DIPK1B: variants seen among roughly 807,000 people sequenced by gnomAD.
DIPK1B encodes the protein family with sequence similarity 69 member B.
Under a neutral mutation model 20.7 loss-of-function variants are expected in DIPK1B, and 17 were observed. That is an observed-to-expected ratio of 0.82 (90% CI 0.56 to 1.23). DIPK1B has a LOEUF of 1.23. DIPK1B is among the 50% of genes most tolerant of loss of function. DIPK1B has a pLI of 0.00. For missense variants in DIPK1B, 648 were observed against 601.8 expected, an observed-to-expected ratio of 1.08 and a Z score of -0.80; for synonymous variants, 343 against 276.5, an observed-to-expected ratio of 1.24 and a Z score of -2.39.
chr9:136,713,651 G>A (rs1396373166), intron 1 of DIPK1B, among the ~76,000 whole-genome samples: 3 of 152,230 alleles, frequency 2.0e-5, no homozygotes, highest in African/African-American at 7.2e-5. Flanking sequence ...TCGCTGGGAG[G>A]TGGGGTGCAC....
In DIPK1B at chr9:136,724,323, G is replaced by T. The variant is rs1171255741; in HGVS notation, c.*549G>T. 2.0e-5 allele frequency among the ~76,000 whole-genome samples: 3 copies of T among 152,190 alleles called. No individual in the cohort carries two copies. The highest frequency in any genetic ancestry group is 7.2e-5 in the African/African-American group (3 of 41,446). On this transcript the variant is annotated 3_prime_UTR_variant, in exon 5 of 5. Coordinates refer to ENST00000371692, the MANE Select transcript of DIPK1B (RefSeq NM_152421.4). ...ACCTGGGCTGTGCACAACAGACCAA[G>T]AAAAAGGTGTTCCAGTAAGAAAACA... is the stretch of plus-strand genomic sequence containing the variant.
Position 136,723,722 on chromosome 9 carries a change from G to A in DIPK1B, c.1244G>A (p.Ser415Asn), listed in dbSNP as rs1241778152. 1 of 1,536,284 alleles carries A rather than the reference G, an allele frequency of 6.5e-7. No homozygotes were observed. Among genetic ancestry groups the A allele is most frequent in the Non-Finnish European group, 8.7e-7 (1 of 1,146,956 alleles). Residue 415 changes from serine to asparagine, a missense_variant, in exon 5 of 5, where the codon AGC becomes AAC. By Grantham distance (46) the Ser-to-Asn change is conservative. Coordinates refer to ENST00000371692, the MANE Select transcript of DIPK1B (RefSeq NM_152421.4). Reference sequence around the variant, plus strand: ...GAGGCCCATCACTCGCTGGTGCTCAGCCACCTCAAGACTCTGCTCTGGAAG... The same window carrying A: ...GAGGCCCATCACTCGCTGGTGCTCAACCACCTCAAGACTCTGCTCTGGAAG... ...QVEAHHSLVL[S>N]HLKTLLWKKI...
chr9:136,714,482 G>C (rs543727436), intron 1 of DIPK1B, among the ~76,000 whole-genome samples: 1 of 152,170 alleles, frequency 6.6e-6, no homozygotes, highest in Non-Finnish European at 1.5e-5. Context: ...CCCTAGGCCC[G>C]AGGCCAGCTG....
rs1225963799 is a variant in DIPK1B, at chr9:136,723,348, C to T, written c.870C>T (p.Tyr290=). 12 of 1,613,236 alleles carry T rather than the reference C, an allele frequency of 7.4e-6. No homozygotes were observed. Among genetic ancestry groups the T allele is most frequent in the East Asian group, 6.7e-5 (3 of 44,884 alleles). ...TGGAGGAGCTCTTCCACGGCTCTTA[C>T]GGGACTTTCTACATGTGTGAGACCA... ...EFVEELFHGS[Y]GTFYMCETTL... is the part of the protein sequence containing the mutation. The change falls in exon 5 of 5, where the codon TAC becomes TAT. Residue 290 remains tyrosine, a synonymous_variant. Transcript: ENST00000371692.
intron 2 of DIPK1B, chr9:136,720,792 G>C (rs2131045943): frequency 6.6e-6 from 1 of 152,422 alleles, no homozygotes; most frequent in East Asian, 1.9e-4. Flanking sequence ...GTAGAGGCTG[G>C]GGCTCCGTTG....
chr9:136,724,039 G>A lies in DIPK1B; in HGVS notation c.*265G>A, dbSNP rs1395677743. 4 of 482,458 alleles carry A rather than the reference G, an allele frequency of 8.3e-6. No homozygotes were observed. Among genetic ancestry groups the A allele is most frequent in the Non-Finnish European group, 1.5e-5 (4 of 264,720 alleles). The allele number at this position is 482,458 out of a possible 1,614,324, so 29.9% of individuals were successfully genotyped here. ...TGTCAATAAACAGCTTTTATGTAATGCCCAGGGCTGAGCACCCTGAGCCCC... is the reference window on the plus strand; with the variant it reads ...TGTCAATAAACAGCTTTTATGTAATACCCAGGGCTGAGCACCCTGAGCCCC... On this transcript the variant is annotated 3_prime_UTR_variant, in exon 5 of 5. Transcript: ENST00000371692.
chr9:136,714,684 C>T (rs928085784), intron 1 of DIPK1B, among the ~76,000 whole-genome samples: 1 of 152,250 alleles, frequency 6.6e-6, no homozygotes, highest in Non-Finnish European at 1.5e-5. Context: ...AGATTCAGTG[C>T]CCAGGACAAG....
In DIPK1B at chr9:136,723,177, C is replaced by T. The variant is rs199901286; in HGVS notation, c.699C>T (p.Gly233=). The T allele has an allele frequency of 5.3e-5, 85 of 1,612,980 alleles. No homozygotes were observed. Among genetic ancestry groups the T allele is most frequent in the Admixed American group, 5.0e-4 (30 of 60,022 alleles). The change falls in exon 5 of 5, where the codon GGC becomes GGT. Residue 233 remains glycine, a synonymous_variant. Coordinates refer to ENST00000371692, the MANE Select transcript of DIPK1B (RefSeq NM_152421.4). ...GTGGGGACCTCTACCTCACCGAGGG[C>T]GTGCCGCATGGCGCCTGGCACGCGG... is the stretch of plus-strand genomic sequence containing the variant. ...GYCGDLYLTE[G]VPHGAWHAAA...
Position 136,718,179 on chromosome 9 carries a change from ACCACCGTGTGCTGGCC to A in DIPK1B, c.198+469_198+484del, listed in dbSNP as rs1588282335. ...CTGGCCTCACTGGCCTGGGATAGAG[ACCACCGTGTGCTGGCC>A]TCACTGGTCCAGGATAGAGACCACT... On this transcript the variant is annotated intron_variant, in intron 2 of 4. Transcript: ENST00000371692. Among the ~76,000 whole-genome samples, 6 of 85,150 alleles carry A rather than the reference ACCACCGTGTGCTGGCC, an allele frequency of 7.0e-5. No individual in the cohort carries two copies. The East Asian group carries it at 2.8e-3, about 40-fold the overall frequency. 55.9% of individuals were successfully genotyped at this position (85,150 alleles called of 152,430 possible).
rs1195506950 is a variant in DIPK1B, at chr9:136,723,930, G to A, written c.*156G>A. On this transcript the variant is annotated 3_prime_UTR_variant, in exon 5 of 5. Transcript: ENST00000371692. Reference sequence around the variant, plus strand: ...CTCTGGATTCCAGCACCACAGACATGAGACCCCAGCTCGGAGCAAAGGCGG... The same window carrying A: ...CTCTGGATTCCAGCACCACAGACATAAGACCCCAGCTCGGAGCAAAGGCGG... The A allele has an allele frequency of 3.9e-6, 3 of 771,774 alleles. No individual in the cohort carries two copies. The East Asian group carries it at 8.1e-5, about 21-fold the overall frequency. 47.8% of individuals were successfully genotyped at this position (771,774 alleles called of 1,614,324 possible).
At chr9:136,717,269 G>A (rs1263796489) in intron 1 of DIPK1B, among the ~76,000 whole-genome samples, 2 of 151,836 alleles carry the variant, frequency 1.3e-5, no homozygotes, top group Non-Finnish European at 2.9e-5. Flanking sequence ...GGAAAGAATC[G>A]GCCACCCTGT....
intron 2 of DIPK1B, among the ~76,000 whole-genome samples, chr9:136,719,465 C>T (rs1447904610): frequency 6.6e-6 from 1 of 152,190 alleles, no homozygotes; most frequent in Non-Finnish European, 1.5e-5. Context: ...CAGAGGCTGG[C>T]CCAGCGCACA....
Position 136,724,016 on chromosome 9 carries a change from T to C in DIPK1B, c.*242T>C. 1.8e-6 allele frequency: 1 copy of C among 559,206 alleles called. No individual in the cohort carries two copies. The highest frequency in any genetic ancestry group is 3.2e-6 in the Non-Finnish European group (1 of 311,984). 34.6% of individuals were successfully genotyped at this position (559,206 alleles called of 1,614,324 possible). A position where few individuals can be genotyped will look rare whatever the true frequency, so the allele number is the denominator to read the frequency against. On this transcript the variant is annotated 3_prime_UTR_variant, in exon 5 of 5. Coordinates refer to ENST00000371692, the MANE Select transcript of DIPK1B (RefSeq NM_152421.4). ...GTTTGTTACTCTGAAGAACGTAATG[T>C]CAATAAACAGCTTTTATGTAATGCC...
chr9:136,722,032 T>TAGCC lies in DIPK1B; in HGVS notation c.306+6_306+9dup, dbSNP rs1265716625. On this transcript the variant is annotated splice_donor_region_variant and intron_variant, in intron 3 of 4. Transcript: ENST00000371692. Reference sequence around the variant, plus strand: ...CTCGGTGGCCCCGGGCCAGCAGGTATAGCCACTGGCAGGGCGGGTGGGCCT... The same window carrying TAGCC: ...CTCGGTGGCCCCGGGCCAGCAGGTATAGCCAGCCACTGGCAGGGCGGGTGGGCCT... 2 of 1,612,666 alleles carry TAGCC rather than the reference T, an allele frequency of 1.2e-6. No homozygotes were observed. Among genetic ancestry groups the TAGCC allele is most frequent in the African/African-American group, 2.7e-5 (2 of 74,622 alleles).
At chr9:136,713,878 G>T (rs1342508792) in intron 1 of DIPK1B, among the ~76,000 whole-genome samples, 3 of 152,200 alleles carry the variant, frequency 2.0e-5, no homozygotes, top group Non-Finnish European at 4.4e-5. Flanking sequence ...TAGTGCTGTG[G>T]GGCTCCTGGC....
Position 136,723,036 on chromosome 9 carries a change from C to T in DIPK1B, c.558C>T (p.Asp186=). The T allele has an allele frequency of 6.2e-7, 1 of 1,613,494 alleles. No homozygotes were observed. The highest frequency in any genetic ancestry group is 8.5e-7 in the Non-Finnish European group (1 of 1,180,024). ...QVLLMADFNK[D]NRVSLAEAKS... Reference sequence around the variant, plus strand: ...TGCTCATGGCTGACTTCAACAAGGACAACCGGGTGTCCCTGGCGGAAGCCA... The same window carrying T: ...TGCTCATGGCTGACTTCAACAAGGATAACCGGGTGTCCCTGGCGGAAGCCA... Residue 186 remains aspartate (D), a synonymous_variant, in exon 5 of 5, where the codon GAC becomes GAT. Coordinates refer to ENST00000371692, the MANE Select transcript of DIPK1B (RefSeq NM_152421.4).
chr9:136,715,452 C>T (rs1027826253), intron 1 of DIPK1B, among the ~76,000 whole-genome samples: 1 of 152,012 alleles, frequency 6.6e-6, no homozygotes, highest in Non-Finnish European at 1.5e-5. Flanking sequence ...TGGAGCCCTC[C>T]CTAAAAGCCG....
At chr9:136,718,046 GCTGGC>G (rs922573073) in intron 2 of DIPK1B, among the ~76,000 whole-genome samples, 1 of 152,158 alleles carries the variant, frequency 6.6e-6, no homozygotes, top group African/African-American at 2.4e-5. Flanking sequence ...GGGGTGGGCA[GCTGGC>G]CTCACTGCTC....
At chr9:136,722,582 A>C (rs544961423) in intron 4 of DIPK1B, 2 of 565,226 alleles carry the variant, frequency 3.5e-6, no homozygotes, top group Non-Finnish European at 6.3e-6. Flanking sequence ...GGTGCCCCGA[A>C]TGGAGACCAG....
Sources: gnomAD v4.1 joint callset for allele counts (sites outside exome capture counted in the v4.1 genomes callset) on GRCh38, gnomAD v4.1.1 for gene constraint, MANE v1.5 for transcripts, NCBI Gene and HGNC (gene_info 2026-07-23, HGNC 2026-07-21) for gene names.